NXPH1: variants seen among roughly 807,000 people sequenced by gnomAD.
NXPH1 encodes the protein neurexophilin 1.
In NXPH1, 5 loss-of-function variants were observed where a neutral mutation model predicts 23.7. That is an observed-to-expected ratio of 0.21 (90% CI 0.11 to 0.44). The LOEUF (loss-of-function observed/expected upper bound fraction) is 0.44. NXPH1 is among the 20% of genes least tolerant of loss of function. NXPH1 has a pLI of 0.99. For missense variants in NXPH1, 324 were observed against 321.6 expected (o/e 1.01, Z -0.06); for synonymous variants, 144 against 122.2 (o/e 1.18, Z -1.18).
At chr7:8,682,112 A>T (rs1821063437) in intron 2 of NXPH1, among the ~76,000 whole-genome samples, 1 of 152,144 alleles carries the variant, frequency 6.6e-6, no homozygotes, top group Non-Finnish European at 1.5e-5. Flanking sequence ...TTTGTGCTTG[A>T]GTATGCCTGT....
intron 2 of NXPH1, among the ~76,000 whole-genome samples, chr7:8,675,398 T>C (rs1748188162): frequency 6.6e-6 from 1 of 152,166 alleles, no homozygotes; most frequent in Admixed American, 6.6e-5. Flanking sequence ...CTATTAATAT[T>C]TGAGACCAGA....
chr7:8,604,387 A>G (rs191238781), intron 2 of NXPH1, among the ~76,000 whole-genome samples: 25 of 152,264 alleles, frequency 1.6e-4, no homozygotes, highest in African/African-American at 6.0e-4. Flanking sequence ...CAAATGGAAT[A>G]TAAGGTGTTA....
intron 2 of NXPH1, among the ~76,000 whole-genome samples, chr7:8,728,415 C>A (rs1780093561): frequency 6.6e-6 from 1 of 152,106 alleles, no homozygotes; most frequent in Non-Finnish European, 1.5e-5. Context: ...CTGTCTTGTG[C>A]CAGTTTTCAA....
intron 2 of NXPH1, among the ~76,000 whole-genome samples, chr7:8,692,656 A>G (rs1446113118): frequency 6.6e-6 from 1 of 152,208 alleles, no homozygotes; most frequent in African/African-American, 2.4e-5. Context: ...AAAAGTCTCC[A>G]TAGTTGCCTC....
intron 2 of NXPH1, among the ~76,000 whole-genome samples, chr7:8,580,761 A>G (rs1369683950): frequency 6.6e-6 from 1 of 151,642 alleles, no homozygotes; most frequent in Non-Finnish European, 1.5e-5. Flanking sequence ...ATGCAGAGGG[A>G]AAAAAAGTAG....
At chr7:8,707,781 T>C (rs1214507841) in intron 2 of NXPH1, among the ~76,000 whole-genome samples, 1 of 152,162 alleles carries the variant, frequency 6.6e-6, no homozygotes, top group Non-Finnish European at 1.5e-5. Flanking sequence ...TTTCTTCTCT[T>C]CTAAAACTAG....
At chr7:8,483,065 ATAT>A in intron 2 of NXPH1, among the ~76,000 whole-genome samples, 1 of 152,316 alleles carries the variant, frequency 6.6e-6, no homozygotes. Flanking sequence ...TAGCAATGTA[ATAT>A]TAATACATTG....
At chr7:8,444,055 T>C (rs1730033215) in intron 2 of NXPH1, among the ~76,000 whole-genome samples, 1 of 152,160 alleles carries the variant, frequency 6.6e-6, no homozygotes, top group Non-Finnish European at 1.5e-5. Context: ...GATCCAGAAA[T>C]AAGACGGATA....
chr7:8,716,399 G>A (rs967825991), intron 2 of NXPH1, among the ~76,000 whole-genome samples: 1 of 152,148 alleles, frequency 6.6e-6, no homozygotes, highest in African/African-American at 2.4e-5. Context: ...TAATCGAGGA[G>A]AAAAACGGCA....
chr7:8,678,027 T>G (rs886088342), intron 2 of NXPH1, among the ~76,000 whole-genome samples: 1 of 152,160 alleles, frequency 6.6e-6, no homozygotes, highest in Non-Finnish European at 1.5e-5. Context: ...GTTGTATGTT[T>G]CCAGTGAAAA....
intron 2 of NXPH1, among the ~76,000 whole-genome samples, chr7:8,439,055 T>C (rs140833439): frequency 8.4e-4 from 128 of 152,330 alleles, no homozygotes; most frequent in African/African-American, 2.2e-3. Flanking sequence ...TTGAATGTTA[T>C]GTATTGCAGA....
intron 2 of NXPH1, among the ~76,000 whole-genome samples, chr7:8,640,299 ATAT>A (rs138143800): frequency 0.047 from 7,214 of 152,102 alleles, 376 homozygotes; most frequent in East Asian, 0.17. Context: ...GACTTTTAAA[ATAT>A]TATATGGGGT....
At chr7:8,485,405 C>T (rs950161879) in intron 2 of NXPH1, among the ~76,000 whole-genome samples, 6 of 152,030 alleles carry the variant, frequency 3.9e-5, no homozygotes, top group Admixed American at 6.6e-5. Flanking sequence ...TACACCAAGC[C>T]GAAAACTGAA....
intron 2 of NXPH1, among the ~76,000 whole-genome samples, chr7:8,538,019 GTT>G (rs1818055523): frequency 6.6e-6 from 1 of 151,858 alleles, no homozygotes; most frequent in Non-Finnish European, 1.5e-5. Flanking sequence ...AATAGCAATA[GTT>G]ACAGCAATGA....
chr7:8,625,154 A>G (rs954496573), intron 2 of NXPH1, among the ~76,000 whole-genome samples: 12 of 152,186 alleles, frequency 7.9e-5, no homozygotes, highest in African/African-American at 2.9e-4. Context: ...TTTTTTGGCA[A>G]CCTCACTGAT....
chr7:8,635,815 C>T (rs1380719622), intron 2 of NXPH1, among the ~76,000 whole-genome samples: 1 of 151,994 alleles, frequency 6.6e-6, no homozygotes, highest in Non-Finnish European at 1.5e-5. Flanking sequence ...AAGTTTGGTC[C>T]AACTGAATTT....
At chr7:8,663,071 A>G (rs1418013929) in intron 2 of NXPH1, among the ~76,000 whole-genome samples, 1 of 152,074 alleles carries the variant, frequency 6.6e-6, no homozygotes, top group Admixed American at 6.6e-5. Flanking sequence ...GCTTGCCTAC[A>G]GAGGATTGAT....
At chr7:8,597,642 G>A (rs1819254740) in intron 2 of NXPH1, among the ~76,000 whole-genome samples, 1 of 146,560 alleles carries the variant, frequency 6.8e-6, no homozygotes, top group Non-Finnish European at 1.5e-5. Context: ...AGAATTAGAA[G>A]ACTGAGTAAA....
chr7:8,686,559 G>C (rs1821148225), intron 2 of NXPH1, among the ~76,000 whole-genome samples: 2 of 152,042 alleles, frequency 1.3e-5, no homozygotes, highest in African/African-American at 2.4e-5. Flanking sequence ...CACAGTAAAA[G>C]TATAGTTTCT....
Sources: allele counts gnomAD v4.1 joint callset (sites outside exome capture counted in the v4.1 genomes callset), GRCh38; gene constraint gnomAD v4.1.1; transcripts MANE v1.5; gene names NCBI Gene and HGNC (gene_info 2026-07-23, HGNC 2026-07-21).